Variants in ERBIN observed in about 807,000 individuals in gnomAD.
ERBIN encodes the protein densin-180-like protein.
Under a neutral mutation model 158.4 loss-of-function variants are expected in ERBIN, and 60 were observed. That is an observed-to-expected ratio of 0.38 (90% CI 0.31 to 0.47). The LOEUF is 0.47. Among genes scored for constraint, ERBIN ranks in the 20% least tolerant of loss-of-function variants. The probability of loss-of-function intolerance (pLI) is 0.99; values close to 1 mark genes in which losing one functional copy is unlikely to be tolerated. For missense variants in ERBIN, 1,610 were observed against 1,648.0 expected (o/e 0.98, Z 0.40); for synonymous variants, 594 against 557.2 (o/e 1.07, Z -0.93).
At chr5:65,970,113 G>A (rs190116885) in intron 1 of ERBIN, among the ~76,000 whole-genome samples, 1 of 72,572 alleles carries the variant, frequency 1.4e-5, no homozygotes, top group African/African-American at 3.3e-5. Context: ...ATAATCTAGT[G>A]AAGTATGAAG....
chr5:65,954,933 T>G (rs1046529119), intron 1 of ERBIN, among the ~76,000 whole-genome samples: 1 of 151,776 alleles, frequency 6.6e-6, no homozygotes, highest in Non-Finnish European at 1.5e-5. Flanking sequence ...GGCATGGTGG[T>G]GGGCGCATGT....
At chr5:66,045,353 G>A (rs1758325074) in intron 17 of ERBIN, among the ~76,000 whole-genome samples, 1 of 151,990 alleles carries the variant, frequency 6.6e-6, no homozygotes. Flanking sequence ...ATAGTGTTCA[G>A]TACAGTAACA....
At chr5:66,049,834 C>G (rs754502151) in intron 19 of ERBIN, among the ~76,000 whole-genome samples, 1 of 152,052 alleles carries the variant, frequency 6.6e-6, no homozygotes, top group Non-Finnish European at 1.5e-5. Flanking sequence ...ACTTGTTATA[C>G]TACCTATTAT....
At chr5:66,030,864 C>T (rs1288907084) in intron 14 of ERBIN, among the ~76,000 whole-genome samples, 1 of 152,242 alleles carries the variant, frequency 6.6e-6, no homozygotes, top group East Asian at 1.9e-4. Context: ...AACCACCATG[C>T]CTGGCCTGCA....
chr5:66,055,140 C>T (rs1759463076), intron 21 of ERBIN, 189 bp downstream of exon 21: 3 of 1,327,106 alleles, frequency 2.3e-6, no homozygotes. Flanking sequence ...TGTTTCTATC[C>T]TCTCCTTCAC....
chr5:66,031,694 G>A (rs1349018120), intron 14 of ERBIN, among the ~76,000 whole-genome samples: 1 of 152,046 alleles, frequency 6.6e-6, no homozygotes, highest in South Asian at 2.1e-4. Context: ...TAGCCAGGTG[G>A]GGTAGCACAT....
intron 1 of ERBIN, among the ~76,000 whole-genome samples, chr5:65,979,150 G>T (rs141256747): frequency 1.3e-5 from 2 of 152,282 alleles, no homozygotes; most frequent in East Asian, 3.9e-4. Flanking sequence ...ATTATAGTGG[G>T]GCGTGGTGGC....
intron 1 of ERBIN, among the ~76,000 whole-genome samples, chr5:65,980,030 T>C (rs57907101): frequency 0.04 from 6,114 of 152,250 alleles, 417 homozygotes; most frequent in African/African-American, 0.14. Flanking sequence ...ACCAAAAATG[T>C]AGGATAGCTA....
At chr5:66,039,043 TG>T (rs1757684619) in intron 15 of ERBIN, among the ~76,000 whole-genome samples, 1 of 151,986 alleles carries the variant, frequency 6.6e-6, no homozygotes, top group African/African-American at 2.4e-5. Context: ...TGTGTGTGTG[TG>T]TTTATTGTGT....
intron 4 of ERBIN, among the ~76,000 whole-genome samples, chr5:65,997,746 C>T (rs566926350): frequency 5.9e-5 from 9 of 152,186 alleles, no homozygotes. Context: ...TCATATTCCA[C>T]AGCTCTTAGC....
rs936942505 is a variant in ERBIN at position 65,979,559 on chromosome 5, C to G, written c.-57-9076C>G. The stretch of plus-strand genomic sequence containing the variant: ...GTGATTGTATAGGCTTATAGATGAC[C>G]CAATTATTGGAATTAGGAGAAAAGA... On this transcript the variant is annotated intron_variant, in intron 1 of 25. Coordinates refer to ENST00000284037, the MANE Select transcript of ERBIN (RefSeq NM_001253697.2). Among the ~76,000 whole-genome samples, 48 of 152,022 alleles carry G rather than the reference C, an allele frequency of 3.2e-4. 1 individual carries two copies. The highest frequency in any genetic ancestry group is 1.2e-3 in the African/African-American group (48 of 41,358).
chr5:65,967,249 TTAAA>T (rs1748748329), intron 1 of ERBIN, among the ~76,000 whole-genome samples: 1 of 152,220 alleles, frequency 6.6e-6, no homozygotes, highest in African/African-American at 2.4e-5. Flanking sequence ...AAAAAAAATT[TTAAA>T]TAAATTTACA....
chr5:66,036,799 G>A (rs952437776), intron 14 of ERBIN, among the ~76,000 whole-genome samples: 1 of 152,172 alleles, frequency 6.6e-6, no homozygotes. Context: ...AGGAATTATG[G>A]CATAGTAATA....
At chr5:66,061,861 G>A (rs1580508498) in intron 21 of ERBIN, among the ~76,000 whole-genome samples, 2 of 152,178 alleles carry the variant, frequency 1.3e-5, no homozygotes, top group African/African-American at 2.4e-5. Context: ...TAAGAATGTT[G>A]GATATTGGCC....
intron 1 of ERBIN, among the ~76,000 whole-genome samples, chr5:65,958,057 C>T (rs1392288262): frequency 1.3e-5 from 2 of 149,070 alleles, no homozygotes; most frequent in East Asian, 4.0e-4. Context: ...ACATCTCAGA[C>T]GATGGGCGGC....
intron 1 of ERBIN, among the ~76,000 whole-genome samples, chr5:65,986,403 G>C (rs537955430): frequency 6.6e-6 from 1 of 152,326 alleles, no homozygotes; most frequent in South Asian, 2.1e-4. Context: ...TTGGTGGCCA[G>C]CTTTGCTTGC....
At chr5:66,006,834 A>T (rs539456585) in intron 4 of ERBIN, among the ~76,000 whole-genome samples, 2 of 152,214 alleles carry the variant, frequency 1.3e-5, no homozygotes, top group East Asian at 3.9e-4. Flanking sequence ...TCAAAACCAC[A>T]ATGAGATACC....
intron 18 of ERBIN, among the ~76,000 whole-genome samples, chr5:66,047,427 G>C (rs999473179): frequency 6.6e-6 from 1 of 151,974 alleles, no homozygotes; most frequent in Non-Finnish European, 1.5e-5. Context: ...TAAGTCTGCA[G>C]TGAATTTTTG....
Position 66,013,547 on chromosome 5 carries a change from AG to A in ERBIN, c.387del, listed in dbSNP as rs1192382761. 6.3e-7 allele frequency: 1 copy of A among 1,591,430 alleles called. No homozygotes were observed. Among genetic ancestry groups the A allele is most frequent in the Non-Finnish European group, 8.6e-7 (1 of 1,160,350 alleles). On this transcript the variant is annotated splice_acceptor_variant, in intron 5 of 25. Transcript: ENST00000284037. LOFTEE classifies it high-confidence loss of function. ...TAACTTAAATTCTGGTATTTTATGTAGGCTCCCTGATGGATTTTCTCAGCTG... is the reference window on the plus strand; with the variant it reads ...TAACTTAAATTCTGGTATTTTATGTAGCTCCCTGATGGATTTTCTCAGCTG...
Sources: gnomAD v4.1 joint callset for allele counts (sites outside exome capture counted in the v4.1 genomes callset) on GRCh38, gnomAD v4.1.1 for gene constraint, MANE v1.5 for transcripts, NCBI Gene and HGNC (gene_info 2026-07-23, HGNC 2026-07-21) for gene names.